Variants in BACH2 observed in about 807,000 individuals in gnomAD.
BACH2 encodes the protein transcription regulator protein BACH2.
A neutral mutation model predicts 61.8 loss-of-function variants in BACH2; 5 were observed. That is an observed-to-expected ratio of 0.08 (90% CI 0.04 to 0.17). BACH2 has a LOEUF of 0.17. Among genes scored for constraint, BACH2 ranks in the 10% least tolerant of loss-of-function variants. BACH2 has a pLI of 1.00. For synonymous variants in BACH2, 446 were observed against 440.1 expected (o/e 1.01, Z -0.17); for missense variants, 824 against 1,091.1 (o/e 0.76, Z 3.45).
chr6:90,128,253 G>A (rs988738592), intron 4 of BACH2, among the ~76,000 whole-genome samples: 1 of 152,106 alleles, frequency 6.6e-6, no homozygotes, highest in East Asian at 1.9e-4. Flanking sequence ...TAGGCTTTGG[G>A]GATTTTTTTT....
chr6:90,256,890 A>G (rs1038816256), intron 2 of BACH2, among the ~76,000 whole-genome samples: 3 of 152,042 alleles, frequency 2.0e-5, no homozygotes, highest in African/African-American at 7.2e-5. Context: ...CCTGCCCACA[A>G]CCCATATCCC....
chr6:90,165,845 G>A (rs1767592706), intron 4 of BACH2, among the ~76,000 whole-genome samples: 1 of 152,112 alleles, frequency 6.6e-6, no homozygotes, highest in Non-Finnish European at 1.5e-5. Context: ...TGGGAAAACT[G>A]GCTAGCCATT....
At chr6:90,094,165 C>T (rs1234629718) in intron 4 of BACH2, among the ~76,000 whole-genome samples, 1 of 152,180 alleles carries the variant, frequency 6.6e-6, no homozygotes, top group East Asian at 1.9e-4. Flanking sequence ...AGAAAAAGTA[C>T]AAGTGGGTCT....
intron 3 of BACH2, among the ~76,000 whole-genome samples, chr6:90,249,740 A>G (rs1303552769): frequency 6.6e-6 from 1 of 152,176 alleles, no homozygotes; most frequent in South Asian, 2.1e-4. Context: ...GCGCTACTGC[A>G]CTCTAGCCTG....
At chr6:90,184,205 C>T (rs1196597578) in intron 4 of BACH2, among the ~76,000 whole-genome samples, 3 of 152,196 alleles carry the variant, frequency 2.0e-5, no homozygotes, top group Non-Finnish European at 4.4e-5. Context: ...CAAGAAAGCT[C>T]TGATTAACTA....
intron 5 of BACH2, among the ~76,000 whole-genome samples, chr6:90,072,404 T>C (rs1781275032): frequency 6.6e-6 from 1 of 152,168 alleles, no homozygotes; most frequent in East Asian, 1.9e-4. Context: ...CTGATCTGTT[T>C]TTCCCTTCAA....
chr6:90,099,646 C>T (rs1015794268), intron 4 of BACH2, among the ~76,000 whole-genome samples: 1 of 152,206 alleles, frequency 6.6e-6, no homozygotes, highest in South Asian at 2.1e-4. Context: ...TCATTTCATT[C>T]CCTTCTAACT....
intron 2 of BACH2, among the ~76,000 whole-genome samples, chr6:90,259,146 C>A (rs950224046): frequency 2.6e-5 from 4 of 152,160 alleles, no homozygotes; most frequent in African/African-American, 7.2e-5. Context: ...CTGCCTGATA[C>A]TAGACCTTCA....
intron 5 of BACH2, chr6:90,063,007 A>G (rs1780767116): frequency 1.2e-6 from 1 of 842,822 alleles, no homozygotes; most frequent in Non-Finnish European, 1.4e-6. Context: ...ATGTATAGGG[A>G]AAAGAGTTTT....
chr6:90,253,312 G>A (rs943753292), intron 2 of BACH2, among the ~76,000 whole-genome samples: 5 of 152,070 alleles, frequency 3.3e-5, no homozygotes, highest in Non-Finnish European at 7.4e-5. Flanking sequence ...ATAAACTGGA[G>A]AAAGCAAAAA....
At chr6:90,077,860 G>A (rs866131852) in intron 5 of BACH2, among the ~76,000 whole-genome samples, 14 of 152,202 alleles carry the variant, frequency 9.2e-5, no homozygotes, top group South Asian at 2.1e-4. Flanking sequence ...GGAGGTTAAA[G>A]GGAGACTGAT....
At chr6:89,959,097 G>GCACACACACACACACACACACA (rs60175244) in intron 6 of BACH2, among the ~76,000 whole-genome samples, 1 of 134,404 alleles carries the variant, frequency 7.4e-6, no homozygotes, top group African/African-American at 2.8e-5. Context: ...ATGCACAAGT[G>GCACACACACACACACACACACA]CACACACACA....
At position 90,096,830 on chromosome 6, in the gene BACH2, C is replaced by T. The variant is rs188849463; in HGVS notation, c.-161-7721G>A. 1.4e-4 allele frequency among the ~76,000 whole-genome samples: 22 copies of T among 152,352 alleles called. No individual in the cohort carries two copies. In the East Asian group the frequency reaches 3.9e-3, roughly 27 times the overall value. On this transcript the variant is annotated intron_variant, in intron 4 of 8. Transcript: ENST00000257749. ...TCCCCAACAGAGGCTCTTCCTCACA[C>T]GATGAGCTCAGCTTCTCTCCCTGGA...
At chr6:90,116,231 T>C (rs182074959) in intron 4 of BACH2, among the ~76,000 whole-genome samples, 1 of 152,236 alleles carries the variant, frequency 6.6e-6, no homozygotes, top group East Asian at 1.9e-4. Context: ...AGCAAAGACA[T>C]GGAATCAACC....
chr6:89,940,967 C>A (rs963371458), intron 7 of BACH2, among the ~76,000 whole-genome samples: 2 of 151,846 alleles, frequency 1.3e-5, no homozygotes, highest in African/African-American at 4.8e-5. Flanking sequence ...CAGCATGAGG[C>A]AAATGGACTG....
chr6:90,052,916 G>A (rs760286153), intron 5 of BACH2, among the ~76,000 whole-genome samples: 24 of 152,216 alleles, frequency 1.6e-4, no homozygotes, highest in Middle Eastern at 3.4e-3. Flanking sequence ...TATTGTGATT[G>A]CTGATATATC....
intron 4 of BACH2, among the ~76,000 whole-genome samples, chr6:90,156,466 C>T (rs1241000721): frequency 1.3e-5 from 2 of 152,134 alleles, no homozygotes; most frequent in African/African-American, 4.8e-5. Context: ...CCAAAAATAA[C>T]ATTCTCAAAG....
Position 89,945,453 on chromosome 6 carries a change from A to C in BACH2, c.1836+4817T>G, listed in dbSNP as rs116154705. 8.3e-3 allele frequency among the ~76,000 whole-genome samples: 1,270 copies of C among 152,352 alleles called. 15 individuals are homozygous for C. Among genetic ancestry groups the C allele is most frequent in the African/African-American group, 0.029 (1,204 of 41,582 alleles). ...TAAAGTGAAAGGAGCTAGACACAGA[A>C]GGCCACATCTTGCAAGATTCTATTT... On this transcript the variant is annotated intron_variant, in intron 7 of 8. Transcript: ENST00000257749.
At chr6:90,063,637 A>T (rs897389558) in intron 5 of BACH2, among the ~76,000 whole-genome samples, 40 of 152,162 alleles carry the variant, frequency 2.6e-4, no homozygotes, top group Admixed American at 2.4e-3. Context: ...TCTTTTACTT[A>T]TATTTGTTTC....
Sources: allele counts gnomAD v4.1 joint callset (sites outside exome capture counted in the v4.1 genomes callset), GRCh38; gene constraint gnomAD v4.1.1; transcripts MANE v1.5; gene names NCBI Gene and HGNC (gene_info 2026-07-23, HGNC 2026-07-21).